CATSPERE: variants seen among roughly 807,000 people sequenced by gnomAD.
CATSPERE encodes the protein catsper channel auxiliary subunit epsilon, also known as cation channel sperm-associated auxiliary subunit epsilon.
A neutral mutation model predicts 114.1 loss-of-function variants in CATSPERE; 93 were observed. The ratio of observed to expected loss-of-function variants is 0.81; its 90% CI spans 0.69 to 0.97. CATSPERE has a LOEUF of 0.97. Among genes scored for constraint, CATSPERE ranks in the 50% least tolerant of loss-of-function variants. The pLI is 0.00. For synonymous variants in CATSPERE, 341 were observed against 384.1 expected, an observed-to-expected ratio of 0.89 and a Z score of 1.31; for missense variants, 1,058 against 1,131.6, an observed-to-expected ratio of 0.93 and a Z score of 0.93.
chr1:244,621,203 A>C (rs1283093009), intron 20 of CATSPERE, among the ~76,000 whole-genome samples: 2 of 2,368 alleles, frequency 8.4e-4, no homozygotes. Context: ...ATTTATATAG[A>C]TATATTTATA....
upstream of CATSPERE, among the ~76,000 whole-genome samples, chr1:244,461,045 A>G (rs1377968462): frequency 2.0e-5 from 3 of 152,220 alleles, no homozygotes; most frequent in Non-Finnish European, 4.4e-5. Context: ...ACACTACCTT[A>G]AAAGTTTCAC....
chr1:244,551,836 G>A (rs959777323), intron 8 of CATSPERE, among the ~76,000 whole-genome samples: 5 of 151,916 alleles, frequency 3.3e-5, no homozygotes, highest in Admixed American at 6.6e-5. Context: ...AGGCCGAGGC[G>A]GGCGGATCAC....
rs753230078 is a variant in CATSPERE at position 244,572,433 on chromosome 1, A to C, written c.1611A>C (p.Thr537=). 1.9e-6 allele frequency: 3 copies of C among 1,610,704 alleles called. No homozygotes were observed. In the South Asian group the frequency reaches 3.3e-5, roughly 18 times the overall value. The part of the protein sequence containing the change: ...AVKLHLWTNY[T]TRAFIFLSTS... Reference sequence around the variant, plus strand: ...AGCTGCATTTATGGACAAATTACACAACAAGAGCATTCATTTTCTTAAGTA... The same window carrying C: ...AGCTGCATTTATGGACAAATTACACCACAAGAGCATTCATTTTCTTAAGTA... Residue 537 remains threonine, a synonymous_variant, in exon 11 of 22, where the codon ACA becomes ACC. Coordinates refer to ENST00000366534, the MANE Select transcript of CATSPERE (RefSeq NM_001130957.2).
At chr1:244,627,298 A>C (rs1271241831) in intron 20 of CATSPERE, among the ~76,000 whole-genome samples, 1 of 152,140 alleles carries the variant, frequency 6.6e-6, no homozygotes, top group African/African-American at 2.4e-5. Context: ...CTTATAACAG[A>C]TATAATAATA....
At chr1:244,639,675 T>C (rs1270232185) in intron 21 of CATSPERE, among the ~76,000 whole-genome samples, 2 of 21,764 alleles carry the variant, frequency 9.2e-5, no homozygotes, top group Admixed American at 6.5e-4. Context: ...GGAGACTCCA[T>C]CTCAAAAAAA....
chr1:244,616,867 TGAGAAGCTTTCA>T (rs1671462996), intron 19 of CATSPERE, among the ~76,000 whole-genome samples: 1 of 152,178 alleles, frequency 6.6e-6, no homozygotes, highest in Non-Finnish European at 1.5e-5. Context: ...TTCCTTCAAA[TGAGAAGCTTTCA>T]GAGAGCAAGA....
At chr1:244,624,950 T>A (rs58295076) in intron 20 of CATSPERE, among the ~76,000 whole-genome samples, 1,537 of 152,306 alleles carry the variant, frequency 0.01, 7 homozygotes, top group Middle Eastern at 0.037. Flanking sequence ...TTCTGCCACA[T>A]GTGCAGTGAT....
intron 7 of CATSPERE, among the ~76,000 whole-genome samples, chr1:244,515,823 A>C (rs1380090674): frequency 6.6e-6 from 1 of 150,920 alleles, no homozygotes; most frequent in Non-Finnish European, 1.5e-5. Context: ...TAACAATACT[A>C]TTATAATATT....
chr1:244,455,635 T>C (rs898294178), intron 1 of CATSPERE, among the ~76,000 whole-genome samples: 1 of 152,164 alleles, frequency 6.6e-6, no homozygotes, highest in African/African-American at 2.4e-5. Context: ...GGAAAAAGAT[T>C]ATTTTTCTGG....
chr1:244,548,684 C>T (rs1660134358), intron 8 of CATSPERE, among the ~76,000 whole-genome samples: 1 of 152,240 alleles, frequency 6.6e-6, no homozygotes, highest in African/African-American at 2.4e-5. Context: ...TTACCATGTT[C>T]TCCAGCTGGC....
chr1:244,537,033 T>A (rs1680494510), intron 8 of CATSPERE, among the ~76,000 whole-genome samples: 2 of 152,200 alleles, frequency 1.3e-5, no homozygotes, highest in South Asian at 4.1e-4. Flanking sequence ...TGTGAATGCC[T>A]TTTATTTCAC....
At chr1:244,541,865 G>T (rs1174457323) in intron 8 of CATSPERE, among the ~76,000 whole-genome samples, 1 of 141,530 alleles carries the variant, frequency 7.1e-6, no homozygotes, top group Non-Finnish European at 1.5e-5. Context: ...TAGGGACATG[G>T]ATGAAATTGG....
intron 10 of CATSPERE, among the ~76,000 whole-genome samples, chr1:244,563,527 T>A (rs144519449): frequency 6.6e-6 from 1 of 152,196 alleles, no homozygotes; most frequent in African/African-American, 2.4e-5. Flanking sequence ...GATGATGAGC[T>A]TTTTTCCATG....
At chr1:244,558,290 G>A (rs557469134) in intron 9 of CATSPERE, among the ~76,000 whole-genome samples, 12 of 152,002 alleles carry the variant, frequency 7.9e-5, no homozygotes, top group South Asian at 4.1e-4. Flanking sequence ...CTACAGGCAC[G>A]TGCCACCATG....
intron 11 of CATSPERE, among the ~76,000 whole-genome samples, chr1:244,578,244 C>T (rs186717002): frequency 2.9e-4 from 44 of 152,300 alleles, no homozygotes; most frequent in African/African-American, 1.0e-3. Context: ...ACCTCCACCT[C>T]CTGGTTCAAT....
intron 17 of CATSPERE, among the ~76,000 whole-genome samples, chr1:244,602,936 C>G (rs1442062156): frequency 6.6e-6 from 1 of 152,058 alleles, no homozygotes; most frequent in South Asian, 2.1e-4. Flanking sequence ...CAGGGTCAGT[C>G]AGGAGGCAGA....
intron 8 of CATSPERE, among the ~76,000 whole-genome samples, chr1:244,525,197 G>A (rs1010269610): frequency 4.6e-5 from 7 of 150,742 alleles, no homozygotes; most frequent in Non-Finnish European, 1.0e-4. Flanking sequence ...TAGGGACATG[G>A]ATGAAATTGG....
At chr1:244,557,571 ATAT>A (rs1408810475) in intron 9 of CATSPERE, among the ~76,000 whole-genome samples, 3 of 90,658 alleles carry the variant, frequency 3.3e-5, no homozygotes, top group Non-Finnish European at 6.8e-5. Flanking sequence ...ATATATATAT[ATAT>A]ATATATATAA....
At chr1:244,621,290 TC>T (rs1672312483) in intron 20 of CATSPERE, among the ~76,000 whole-genome samples, 1 of 46,228 alleles carries the variant, frequency 2.2e-5, no homozygotes, top group Admixed American at 3.3e-4. Context: ...TATAGATATA[TC>T]TATATAAATA....
Sources: allele counts gnomAD v4.1 joint callset (sites outside exome capture counted in the v4.1 genomes callset), GRCh38; gene constraint gnomAD v4.1.1; transcripts MANE v1.5; gene names NCBI Gene and HGNC (gene_info 2026-07-23, HGNC 2026-07-21).